TTC39C: variants seen among roughly 807,000 people sequenced by gnomAD.
The protein encoded by TTC39C is tetratricopeptide repeat protein 39C.
A neutral mutation model predicts 76.3 loss-of-function variants in TTC39C; 33 were observed. The observed-to-expected ratio is 0.43, with a 90% CI of 0.33 to 0.58. The LOEUF is 0.58. Ranked by LOEUF, TTC39C falls within the 20% of genes least tolerant of loss-of-function variation. The pLI is 0.04. For synonymous variants in TTC39C, 254 were observed against 260.6 expected, an observed-to-expected ratio of 0.97 and a Z score of 0.24; for missense variants, 595 against 701.4, an observed-to-expected ratio of 0.85 and a Z score of 1.71.
intron 1 of TTC39C, among the ~76,000 whole-genome samples, chr18:24,045,905 A>ATGTATATGTATATG (rs1226191500): frequency 2.5e-5 from 1 of 39,636 alleles, no homozygotes; most frequent in African/African-American, 1.4e-4. Flanking sequence ...ATATATATAT[A>ATGTATATGTATATG]TATATATATA....
At chr18:24,053,843 C>G (rs1322915092) in intron 1 of TTC39C, among the ~76,000 whole-genome samples, 1 of 152,104 alleles carries the variant, frequency 6.6e-6, no homozygotes, top group Non-Finnish European at 1.5e-5. Context: ...TAAGTCAGCC[C>G]TCATCAGATT....
chr18:24,092,984 T>G (rs1232969307), intron 6 of TTC39C, among the ~76,000 whole-genome samples: 1 of 152,040 alleles, frequency 6.6e-6, no homozygotes, highest in African/African-American at 2.4e-5. Flanking sequence ...GGGAGGATCA[T>G]CTGAGCCCAG....
chr18:24,063,812 C>T (rs752694875), intron 1 of TTC39C, among the ~76,000 whole-genome samples: 72 of 152,252 alleles, frequency 4.7e-4, no homozygotes, highest in Non-Finnish European at 4.9e-4. Flanking sequence ...CCGCGCCTGG[C>T]CTGTTTCTAC....
At chr18:24,082,818 G>A in intron 5 of TTC39C, 95 bp from the exon 6 acceptor site, 1 of 1,272,992 alleles carries the variant, frequency 7.9e-7, no homozygotes, top group Non-Finnish European at 1.1e-6. Flanking sequence ...TTTTTGGATA[G>A]AGTAGTATTG....
chr18:24,073,700 G>A (rs944284900), intron 4 of TTC39C, among the ~76,000 whole-genome samples: 6 of 152,036 alleles, frequency 3.9e-5, no homozygotes. Flanking sequence ...AAAATTTTTT[G>A]TAGAGATAGG....
At chr18:24,005,616 T>G (rs1376498088) in intron 1 of TTC39C, among the ~76,000 whole-genome samples, 1 of 151,134 alleles carries the variant, frequency 6.6e-6, no homozygotes, top group East Asian at 2.0e-4. Flanking sequence ...GAGGCTGAAG[T>G]GGGAGCATCT....
At chr18:24,023,981 C>CT (rs1413099935) in intron 1 of TTC39C, among the ~76,000 whole-genome samples, 16 of 17,852 alleles carry the variant, frequency 9.0e-4, no homozygotes, top group South Asian at 2.8e-3. Flanking sequence ...TATATATATA[C>CT]ATATATATAT....
intron 7 of TTC39C, 137 bp from the exon 8 acceptor site, chr18:24,117,988 G>A (rs2084917424): frequency 1.8e-6 from 1 of 562,704 alleles, no homozygotes. Context: ...AATTTCTTAG[G>A]TTTTCAGGTT....
chr18:24,019,962 C>T, intron 1 of TTC39C: 1 of 1,483,592 alleles, frequency 6.7e-7, no homozygotes, highest in Non-Finnish European at 8.9e-7. Context: ...CTCTTCTCTG[C>T]CTAAAACCAT....
At chr18:24,082,564 A>G (rs1239201811) in intron 5 of TTC39C, among the ~76,000 whole-genome samples, 1 of 152,210 alleles carries the variant, frequency 6.6e-6, no homozygotes, top group Non-Finnish European at 1.5e-5. Flanking sequence ...GTGACTAGTT[A>G]CCATTTCTAA....
intron 10 of TTC39C, among the ~76,000 whole-genome samples, chr18:24,128,592 T>C (rs2085080615): frequency 1.3e-5 from 2 of 152,200 alleles, no homozygotes; most frequent in African/African-American, 4.8e-5. Context: ...TAACATTCTC[T>C]AACCTGTGTG....
intron 6 of TTC39C, among the ~76,000 whole-genome samples, chr18:24,111,538 A>G (rs2084809539): frequency 6.6e-6 from 1 of 151,218 alleles, no homozygotes; most frequent in East Asian, 2.0e-4. Flanking sequence ...CACTGACTCC[A>G]GCCTGGGTGA....
chr18:23,999,001 T>C (rs1473140910), intron 1 of TTC39C, among the ~76,000 whole-genome samples: 1 of 152,230 alleles, frequency 6.6e-6, no homozygotes, highest in South Asian at 2.1e-4. Context: ...CTGTCCTGAA[T>C]CATCTTGGAT....
intron 4 of TTC39C, among the ~76,000 whole-genome samples, chr18:24,075,730 A>T (rs2084299953): frequency 6.6e-6 from 1 of 151,598 alleles, no homozygotes; most frequent in Admixed American, 6.6e-5. Context: ...ATTATTTGAG[A>T]CACAAGAAAG....
chr18:24,028,774 G>A (rs894428249), intron 1 of TTC39C, among the ~76,000 whole-genome samples: 5 of 152,140 alleles, frequency 3.3e-5, no homozygotes, highest in Admixed American at 2.0e-4. Context: ...CCAGGCTGGA[G>A]TGCAGTGGTG....
At chr18:24,125,369 AT>A in intron 9 of TTC39C, 57 bp from the exon 10 acceptor site, 1 of 1,608,824 alleles carries the variant, frequency 6.2e-7, no homozygotes, top group East Asian at 2.2e-5. Context: ...TCTGAGGTAT[AT>A]TTTTTATTTG....
chr18:24,064,234 A>G (rs763763050), intron 2 of TTC39C, 46 bp downstream of exon 2: 1 of 1,603,750 alleles, frequency 6.2e-7, no homozygotes, highest in East Asian at 2.2e-5. Flanking sequence ...AAACAATTAT[A>G]TAAAGTAATG....
intron 1 of TTC39C, among the ~76,000 whole-genome samples, chr18:24,018,329 C>T (rs1446228416): frequency 6.6e-6 from 1 of 152,180 alleles, no homozygotes; most frequent in Non-Finnish European, 1.5e-5. Context: ...AAGTCAAGTT[C>T]CTGATCTTGG....
chr18:24,037,826 A>G (rs981448001), intron 1 of TTC39C, among the ~76,000 whole-genome samples: 1 of 152,174 alleles, frequency 6.6e-6, no homozygotes, highest in African/African-American at 2.4e-5. Flanking sequence ...GATCACAAGG[A>G]GACTGTGGCA....
Sources: allele counts gnomAD v4.1 joint callset (sites outside exome capture counted in the v4.1 genomes callset), GRCh38; gene constraint gnomAD v4.1.1; transcripts MANE v1.5; gene names NCBI Gene and HGNC (gene_info 2026-07-23, HGNC 2026-07-21).